Variants in PXDNL observed in about 807,000 individuals in gnomAD.
PXDNL encodes the protein peroxidasin like.
PXDNL carries 145 observed loss-of-function variants against 150.8 expected under a neutral mutation model. That is an observed-to-expected ratio of 0.96 (90% CI 0.84 to 1.10). The LOEUF (loss-of-function observed/expected upper bound fraction) is 1.10. Ranked by LOEUF, PXDNL falls within the 50% of genes least tolerant of loss-of-function variation. The pLI is 0.00. For synonymous variants in PXDNL, 757 were observed against 725.7 expected (o/e 1.04, Z -0.69); for missense variants, 2,087 against 1,873.9 (o/e 1.11, Z -2.10).
intron 17 of PXDNL, among the ~76,000 whole-genome samples, chr8:51,404,025 T>C (rs1808356142): frequency 1.3e-5 from 2 of 152,210 alleles, no homozygotes; most frequent in South Asian, 4.1e-4. Flanking sequence ...GTTACAGCTC[T>C]TAAGGCCACA....
At chr8:51,577,824 G>A (rs1445220631) in intron 3 of PXDNL, among the ~76,000 whole-genome samples, 2 of 149,572 alleles carry the variant, frequency 1.3e-5, no homozygotes, top group African/African-American at 4.9e-5. Context: ...GAGCAAGGCA[G>A]GAATGTCTGC....
intron 1 of PXDNL, among the ~76,000 whole-genome samples, chr8:51,670,009 G>T (rs1011222536): frequency 6.6e-6 from 1 of 152,080 alleles, no homozygotes. Flanking sequence ...GGCCAAGGTG[G>T]GCAGATCACT....
At chr8:51,448,338 G>C (rs1809725939) in intron 11 of PXDNL, among the ~76,000 whole-genome samples, 1 of 152,260 alleles carries the variant, frequency 6.6e-6, no homozygotes, top group South Asian at 2.1e-4. Context: ...CTTCACTTCG[G>C]ATTTCATTTC....
At chr8:51,558,760 A>G (rs911303010) in intron 3 of PXDNL, among the ~76,000 whole-genome samples, 2 of 152,144 alleles carry the variant, frequency 1.3e-5, no homozygotes, top group Non-Finnish European at 2.9e-5. Context: ...GCACAAATTG[A>G]TTAAATCAGT....
At chr8:51,565,258 C>T (rs1812794497) in intron 3 of PXDNL, among the ~76,000 whole-genome samples, 1 of 149,682 alleles carries the variant, frequency 6.7e-6, no homozygotes, top group Non-Finnish European at 1.5e-5. Flanking sequence ...CTCCTAGCCC[C>T]CTTCAGCTGC....
In PXDNL at chr8:51,457,630, C is replaced by T. The variant is rs1236341237; in HGVS notation, c.850G>A (p.Val284Met). Residue 284 changes from valine to methionine, a missense_variant, in exon 9 of 23, where the codon GTG becomes ATG. Physicochemically the swap from Val to Met is conservative, Grantham distance 21. Coordinates refer to ENST00000356297, the MANE Select transcript of PXDNL (RefSeq NM_144651.5). ...LDLEDDTRLN[V>M]FDDGTLMIRN... ...ATCATGAGTGTGCCATCATCAAACA[C>T]ATTAAGTCGAGTATCATCTTCCAAA... 7 of 1,613,724 alleles carry T rather than the reference C, an allele frequency of 4.3e-6. No homozygotes were observed. Among genetic ancestry groups the T allele is most frequent in the Admixed American group, 3.3e-5 (2 of 60,002 alleles).
rs745869671 is a variant in PXDNL, at chr8:51,345,923, C to T, written c.3926G>A (p.Arg1309Lys). ...CTTTTGAGACTCTTGCGTCACTGCT[C>T]TGAACTGTCCTCTACTCCTACAGTC... is the stretch of plus-strand genomic sequence containing the variant. ...CADCRSRGQF[R>K]AVTQESQKKR... The change falls in exon 20 of 23, where the codon AGA (arginine) becomes AAA (lysine). Residue 1309 changes from arginine (R) to lysine (K), a missense_variant. By Grantham distance (26) the Arg-to-Lys change is conservative. Transcript: ENST00000356297. 1 of 1,612,908 alleles carries T rather than the reference C, an allele frequency of 6.2e-7. No homozygotes were observed. The highest frequency in any genetic ancestry group is 8.5e-7 in the Non-Finnish European group (1 of 1,178,942).
At chr8:51,558,728 C>T (rs4463410) in intron 3 of PXDNL, among the ~76,000 whole-genome samples, 69,549 of 151,640 alleles carry the variant, frequency 0.46, 19,475 homozygotes, top group African/African-American at 0.79. Context: ...GGGAAAAGAG[C>T]AGAACTTCTG....
At chr8:51,360,688 C>T (rs1395235908) in intron 19 of PXDNL, among the ~76,000 whole-genome samples, 1 of 152,238 alleles carries the variant, frequency 6.6e-6, no homozygotes, top group Non-Finnish European at 1.5e-5. Context: ...TGTAACCTAA[C>T]TGGATGTGTA....
intron 1 of PXDNL, among the ~76,000 whole-genome samples, chr8:51,747,707 A>C (rs145561845): frequency 0.014 from 2,187 of 152,322 alleles, 31 homozygotes; most frequent in Middle Eastern, 0.037. Context: ...GTTCAAGTAC[A>C]ATTAGCTGGT....
chr8:51,614,714 G>A (rs924869362), intron 2 of PXDNL, among the ~76,000 whole-genome samples: 1 of 151,912 alleles, frequency 6.6e-6, no homozygotes, highest in African/African-American at 2.4e-5. Context: ...TTATCTACAA[G>A]TTTTATGAAA....
chr8:51,382,250 G>A (rs1807571201), intron 17 of PXDNL, among the ~76,000 whole-genome samples: 1 of 152,250 alleles, frequency 6.6e-6, no homozygotes, highest in Non-Finnish European at 1.5e-5. Flanking sequence ...GAAACCAAGG[G>A]TTGCCGGGAA....
At chr8:51,556,955 A>G in intron 3 of PXDNL, 44 bp from the exon 4 acceptor site, 1 of 1,142,458 alleles carries the variant, frequency 8.8e-7, no homozygotes, top group Non-Finnish European at 1.3e-6. Flanking sequence ...ATTAGTAGAG[A>G]TACCACATGT....
chr8:51,780,795 A>G (rs2037407387), intron 1 of PXDNL, among the ~76,000 whole-genome samples: 1 of 151,134 alleles, frequency 6.6e-6, no homozygotes, highest in Non-Finnish European at 1.5e-5. Context: ...GAGTAGCTGG[A>G]ATTACAGGTG....
chr8:51,640,152 A>G (rs1342751550), intron 2 of PXDNL, among the ~76,000 whole-genome samples: 2 of 152,290 alleles, frequency 1.3e-5, no homozygotes, highest in South Asian at 2.1e-4. Context: ...AAAATTCAAC[A>G]ACCCTTCATG....
intron 19 of PXDNL, among the ~76,000 whole-genome samples, chr8:51,360,664 C>G (rs997407941): frequency 5.9e-5 from 9 of 152,318 alleles, no homozygotes; most frequent in Admixed American, 2.6e-4. Context: ...AATGTTTTTC[C>G]AGACATAGTG....
chr8:51,543,710 C>CAAAAAAAAAAAAAAAAAAAAAA (rs572642373), intron 4 of PXDNL, among the ~76,000 whole-genome samples: 1 of 60,440 alleles, frequency 1.7e-5, no homozygotes, highest in African/African-American at 4.8e-5. Context: ...GACTCCATAT[C>CAAAAAAAAAAAAAAAAAAAAAA]AAAAAAAAAA....
At chr8:51,611,657 G>C (rs1164092335) in intron 2 of PXDNL, among the ~76,000 whole-genome samples, 1 of 152,218 alleles carries the variant, frequency 6.6e-6, no homozygotes, top group Non-Finnish European at 1.5e-5. Context: ...AAAGAAGCAG[G>C]AAGTTTCCCA....
chr8:51,463,418 A>G (rs1810127502), intron 8 of PXDNL, among the ~76,000 whole-genome samples: 1 of 152,208 alleles, frequency 6.6e-6, no homozygotes, highest in South Asian at 2.1e-4. Flanking sequence ...GCTCAAAGTA[A>G]AAGGATGGAG....
Sources: allele counts gnomAD v4.1 joint callset (sites outside exome capture counted in the v4.1 genomes callset), GRCh38; gene constraint gnomAD v4.1.1; transcripts MANE v1.5; gene names NCBI Gene and HGNC (gene_info 2026-07-23, HGNC 2026-07-21).